Variants in ARMCX4 observed in about 807,000 individuals in gnomAD.
ARMCX4 encodes armadillo repeat-containing X-linked protein 4.
ARMCX4 carries 3 observed loss-of-function variants against 34.7 expected under a neutral mutation model. The ratio of observed to expected loss-of-function variants is 0.09; its 90% CI spans 0.04 to 0.22. The LOEUF is 0.22. Ranked by LOEUF, ARMCX4 falls within the 10% of genes least tolerant of loss-of-function variation. The pLI is 1.00. For missense variants in ARMCX4, 1,448 were observed against 1,720.8 expected (o/e 0.84, Z 2.81); for synonymous variants, 513 against 632.8 (o/e 0.81, Z 2.84).
chrX:101,527,367 C>G (rs1209885082), intron 11 of ARMCX4, among the ~76,000 whole-genome samples: 1 of 111,580 alleles, frequency 9.0e-6, no homozygotes, highest in Non-Finnish European at 1.9e-5. Context: ...TAAATGCCCA[C>G]AAGAGAAAGC....
chrX:101,516,181 T>G (rs1026130430), intron 11 of ARMCX4, among the ~76,000 whole-genome samples: 3 of 111,493 alleles, frequency 2.7e-5, no homozygotes, highest in Non-Finnish European at 5.6e-5. Context: ...ATCAGAAAGC[T>G]CATTTATCTT....
chrX:101,531,148 C>G (rs1048056103), intron 11 of ARMCX4, among the ~76,000 whole-genome samples: 4 of 111,955 alleles, frequency 3.6e-5, no homozygotes, highest in Non-Finnish European at 7.5e-5. Context: ...CTGCCTGATT[C>G]TATTGTCACA....
Position 101,433,104 on chromosome X carries a change from G to A in ARMCX4, n.165-10948G>A, listed in dbSNP as rs782392763. ...TGTATACATATATGTGTATACATAC[G>A]CACGTATACACATGTATGTATACAT... On this transcript the variant is annotated intron_variant and non_coding_transcript_variant, in intron 2 of 3. Transcript: ENST00000430461. Among the ~76,000 whole-genome samples the A allele has an allele frequency of 5.1e-3, 217 of 42,632 alleles. 1 individual carries two copies. Among genetic ancestry groups the A allele is most frequent in the African/African-American group, 0.012 (188 of 15,963 alleles). 37.0% of individuals were successfully genotyped at this position (42,632 alleles called of 115,157 possible). A position where few individuals can be genotyped will look rare whatever the true frequency, so the allele number is the denominator to read the frequency against.
chrX:101,442,306 G>C (rs1177629429), intron 2 of ARMCX4, among the ~76,000 whole-genome samples: 1 of 111,532 alleles, frequency 9.0e-6, no homozygotes. Context: ...TACCAGGCTG[G>C]GAGTGTCATA....
chrX:101,526,891 T>C (rs1223833523), intron 11 of ARMCX4, among the ~76,000 whole-genome samples: 1 of 111,388 alleles, frequency 9.0e-6, no homozygotes, highest in African/African-American at 3.3e-5. Flanking sequence ...TGGGAGACTT[T>C]AACACCCCAC....
chrX:101,488,497 C>A lies in ARMCX4; in HGVS notation c.-93C>A, dbSNP rs782816278. ...CTTTGAGTGGCTGAAGACCAGCACC[C>A]TCACAGGCCTACACCCACAACTACC... On this transcript the variant is annotated 5_prime_UTR_variant, in exon 6 of 6. Coordinates refer to ENST00000423738, the MANE Select transcript of ARMCX4 (RefSeq NM_001256155.3). 39 of 1,139,957 alleles carry A rather than the reference C, an allele frequency of 3.4e-5. No homozygotes were observed. In the East Asian group the frequency reaches 1.1e-3, roughly 32 times the overall value. 93.9% of individuals were successfully genotyped at this position (1,139,957 alleles called of 1,213,427 possible). A position where few individuals can be genotyped will look rare whatever the true frequency, so the allele number is the denominator to read the frequency against.
rs781994222 is a variant in ARMCX4 at position 101,530,546 on chromosome X, G to A, written c.*1781-1098G>A. ...AAAAAAAGAAAAAAATTTTAAGGTA[G>A]TTAGAGGAAAATAACTCATTTCTTC... On this transcript the variant is annotated intron_variant and NMD_transcript_variant, in intron 11 of 12. Transcript: ENST00000354842. Among the ~76,000 whole-genome samples the A allele has an allele frequency of 8.1e-4, 91 of 111,932 alleles. 1 individual carries two copies. The highest frequency in any genetic ancestry group is 2.5e-3 in the African/African-American group (77 of 30,942).
intron 2 of ARMCX4, among the ~76,000 whole-genome samples, chrX:101,424,553 G>A (rs1266668259): frequency 9.0e-6 from 1 of 111,683 alleles, no homozygotes; most frequent in Non-Finnish European, 1.9e-5. Flanking sequence ...GGTAGTAACA[G>A]AACTGAATTC....
At chrX:101,434,292 C>T (rs5951309) in intron 2 of ARMCX4, among the ~76,000 whole-genome samples, 3,198 of 98,879 alleles carry the variant, frequency 0.032, 51 homozygotes, top group Middle Eastern at 0.047. Flanking sequence ...CTCATACTGT[C>T]GCCTAGGCTG....
downstream of ARMCX4, chrX:101,447,672 T>C (rs1451010607): frequency 9.0e-6 from 1 of 111,296 alleles, no homozygotes; most frequent in African/African-American, 3.3e-5. Context: ...GTCTGGTTTT[T>C]TCAAGTTTTA....
chrX:101,445,139 A>T (rs1214897319), intron 3 of ARMCX4, among the ~76,000 whole-genome samples: 1 of 112,383 alleles, frequency 8.9e-6, no homozygotes, highest in East Asian at 2.8e-4. Flanking sequence ...AAGGACACAA[A>T]AGATAACATT....
chrX:101,526,318 G>T (rs1556020479), intron 11 of ARMCX4, among the ~76,000 whole-genome samples: 1 of 111,752 alleles, frequency 8.9e-6, no homozygotes, highest in Non-Finnish European at 1.9e-5. Context: ...TGCCTTACAA[G>T]AGCTCCTGAT....
In ARMCX4 at chrX:101,438,376, A is replaced by C. The variant is rs191944976; in HGVS notation, n.165-5676A>C. On this transcript the variant is annotated intron_variant and non_coding_transcript_variant, in intron 2 of 3. Coordinates refer to the ARMCX4 transcript ENST00000430461. ...TCAGGAGATAGAGACCATCCTGGCT[A>C]ACAGGGTGAAACCCAATCTCTACTA... 1.1e-3 allele frequency among the ~76,000 whole-genome samples: 126 copies of C among 111,723 alleles called. 1 individual carries two copies. Among genetic ancestry groups the C allele is most frequent in the Admixed American group, 2.6e-3 (27 of 10,482 alleles).
chrX:101,432,759 C>CACGTATATACGTATATATATGTGTATAT (rs1930170577), intron 2 of ARMCX4, among the ~76,000 whole-genome samples: 8 of 34,201 alleles, frequency 2.3e-4, no homozygotes, highest in Non-Finnish European at 7.2e-4. Context: ...TGTGTATATA[C>CACGTATATACGTATATATATGTGTATAT]ACGTATATAT....
intron 2 of ARMCX4, among the ~76,000 whole-genome samples, chrX:101,442,212 A>G (rs1555997042): frequency 1.8e-5 from 2 of 112,471 alleles, no homozygotes; most frequent in African/African-American, 6.5e-5. Flanking sequence ...CTGTCAGCAA[A>G]AAAATGAAGA....
downstream of ARMCX4, among the ~76,000 whole-genome samples, chrX:101,446,814 C>T (rs978607253): frequency 4.5e-5 from 5 of 110,679 alleles, no homozygotes; most frequent in Non-Finnish European, 7.6e-5. Flanking sequence ...ATTAGCCGGG[C>T]GTGGTGGCAG....
chrX:101,452,262 G>A (rs1185659961), downstream of ARMCX4, among the ~76,000 whole-genome samples: 6 of 111,566 alleles, frequency 5.4e-5, no homozygotes. Flanking sequence ...AGAACAATGA[G>A]GAAGAGAGTT....
intron 2 of ARMCX4, among the ~76,000 whole-genome samples, chrX:101,437,752 A>G (rs1056902291): frequency 2.4e-4 from 27 of 111,754 alleles, no homozygotes; most frequent in African/African-American, 7.5e-4. Flanking sequence ...TGTCAATTTT[A>G]GATATTTCCT....
chrX:101,423,574 G>A (rs183612712), intron 2 of ARMCX4, among the ~76,000 whole-genome samples: 59 of 109,540 alleles, frequency 5.4e-4, no homozygotes, highest in East Asian at 5.1e-3. Context: ...CTGAGATCAC[G>A]CCATTGCACT....
Sources: gnomAD v4.1 joint callset for allele counts (sites outside exome capture counted in the v4.1 genomes callset) on GRCh38, gnomAD v4.1.1 for gene constraint, MANE v1.5 for transcripts, NCBI Gene and HGNC (gene_info 2026-07-23, HGNC 2026-07-21) for gene names.